CFAP69: variants seen among roughly 807,000 people sequenced by gnomAD.
The protein encoded by CFAP69 is cilia- and flagella-associated protein 69.
A neutral mutation model predicts 123.0 loss-of-function variants in CFAP69; 92 were observed. That is an observed-to-expected ratio of 0.75 (90% confidence interval 0.63 to 0.89). The LOEUF is 0.89. Ranked by LOEUF, CFAP69 falls within the 40% of genes least tolerant of loss-of-function variation. The pLI is 0.00. For missense variants in CFAP69, 1,067 were observed against 1,096.9 expected (o/e 0.97, Z 0.39); for synonymous variants, 380 against 364.3 (o/e 1.04, Z -0.49).
intron 1 of CFAP69, among the ~76,000 whole-genome samples, chr7:90,250,236 C>A (rs75297505): frequency 0.086 from 9,132 of 105,742 alleles, 366 homozygotes; most frequent in Middle Eastern, 0.12. Flanking sequence ...GAGAGAGAGA[C>A]TCCTTGGTTG....
At chr7:90,307,119 G>A (rs529123649) in intron 20 of CFAP69, 21 bp downstream of exon 20, 1 of 1,591,766 alleles carries the variant, frequency 6.3e-7, no homozygotes, top group Non-Finnish European at 8.6e-7. Flanking sequence ...TAGGTAGTGA[G>A]GAGGGAGAAT....
At chr7:90,268,849 T>A (rs374391736) in intron 6 of CFAP69, 23 of 156,834 alleles carry the variant, frequency 1.5e-4, no homozygotes, top group Non-Finnish European at 2.6e-4. Context: ...ACTGAATTGG[T>A]TGGGACCAAG....
chr7:90,264,310 T>C (rs1485203820), intron 4 of CFAP69, among the ~76,000 whole-genome samples: 1 of 151,614 alleles, frequency 6.6e-6, no homozygotes, highest in Non-Finnish European at 1.5e-5. Flanking sequence ...TGCTGGATCT[T>C]TTATGATTTA....
rs1562855143 is a variant in CFAP69 at position 90,264,107 on chromosome 7, AT to A, written c.357-1193del. Among the ~76,000 whole-genome samples the A allele has an allele frequency of 3.3e-3, 202 of 61,854 alleles. 3 individuals carry two copies. The highest frequency in any genetic ancestry group is 0.011 in the East Asian group (18 of 1,634). 40.6% of individuals were successfully genotyped at this position (61,854 alleles called of 152,430 possible). A position where few individuals can be genotyped will look rare whatever the true frequency, so the allele number is the denominator to read the frequency against. ...CTCCATCTCGAAAAAAAAAAAAAAT[AT>A]ATATATATATATATATATATATATA... On this transcript the variant is annotated intron_variant, in intron 4 of 22. Coordinates refer to ENST00000389297, the MANE Select transcript of CFAP69 (RefSeq NM_001039706.3).
downstream of CFAP69, among the ~76,000 whole-genome samples, chr7:90,314,106 A>T (rs1794560831): frequency 6.6e-6 from 1 of 152,194 alleles, no homozygotes; most frequent in Non-Finnish European, 1.5e-5. Context: ...AGTACTCAAA[A>T]TTGTCAAGGT....
chr7:90,267,440 C>G (rs1799303745), intron 5 of CFAP69, among the ~76,000 whole-genome samples: 1 of 152,162 alleles, frequency 6.6e-6, no homozygotes, highest in Non-Finnish European at 1.5e-5. Context: ...TTCAGAGAAC[C>G]TGGATCATTT....
intron 16 of CFAP69, 79 bp from the exon 17 acceptor site, chr7:90,299,788 G>A: frequency 8.6e-7 from 1 of 1,164,636 alleles, no homozygotes; most frequent in African/African-American, 1.7e-5. Flanking sequence ...TAATAGAAGT[G>A]TTTCTCTCTT....
At position 90,303,755 on chromosome 7, in the gene CFAP69, A is replaced by G. The variant is rs898522626; in HGVS notation, c.2051-214A>G. Reference sequence around the variant, plus strand: ...TGAAATTTTAATATTTTACATAAACAATAAAAATGAAGGCTCTAAGTTTTG... The same window carrying G: ...TGAAATTTTAATATTTTACATAAACGATAAAAATGAAGGCTCTAAGTTTTG... On this transcript the variant is annotated intron_variant, in intron 17 of 22. Transcript: ENST00000389297. The G allele has an allele frequency of 3.5e-6, 4 of 1,126,768 alleles. No homozygotes were observed. The African/African-American group carries it at 6.5e-5, about 18-fold the overall frequency. The allele number at this position is 1,126,768 out of a possible 1,614,324, so 69.8% of individuals were successfully genotyped here.
At chr7:90,262,141 T>C (rs1798420692) in intron 4 of CFAP69, 85 bp downstream of exon 4, 2 of 831,982 alleles carry the variant, frequency 2.4e-6, no homozygotes, top group Non-Finnish European at 3.7e-6. Context: ...CTATGCATTA[T>C]AGTGTAGCAG....
Position 90,294,059 on chromosome 7 carries a change from A to G in CFAP69, c.1776-3690A>G, listed in dbSNP as rs192171623. 3.3e-5 allele frequency among the ~76,000 whole-genome samples: 5 copies of G among 152,330 alleles called. No individual in the cohort carries two copies. The East Asian group carries it at 9.6e-4, about 29-fold the overall frequency. On this transcript the variant is annotated intron_variant, in intron 15 of 22. Transcript: ENST00000389297. Reference sequence around the variant, plus strand: ...GCAACCAGTTGTTTTACTTTAGGACAAGAATCTACCATACAAGATTGTTTT... The same window carrying G: ...GCAACCAGTTGTTTTACTTTAGGACGAGAATCTACCATACAAGATTGTTTT...
chr7:90,307,993 A>G, intron 21 of CFAP69, 139 bp downstream of exon 21: 2 of 512,326 alleles, frequency 3.9e-6, no homozygotes, highest in Non-Finnish European at 6.8e-6. Context: ...CTCATATGCA[A>G]TTTAGAGTGA....
chr7:90,286,476 A>C, intron 14 of CFAP69, 77 bp downstream of exon 14: 1 of 1,401,836 alleles, frequency 7.1e-7, no homozygotes, highest in Non-Finnish European at 9.8e-7. Context: ...AGTCTCTATA[A>C]TTGTATTTAA....
intron 2 of CFAP69, 101 bp downstream of exon 2, chr7:90,255,583 G>T: frequency 1.1e-6 from 1 of 902,510 alleles, no homozygotes; most frequent in Non-Finnish European, 1.8e-6. Context: ...CATTTATCTC[G>T]TTTTGTTGAA....
intron 2 of CFAP69, among the ~76,000 whole-genome samples, chr7:90,255,968 T>A (rs1484236760): frequency 6.6e-6 from 1 of 152,180 alleles, no homozygotes; most frequent in Non-Finnish European, 1.5e-5. Context: ...AAAGCAGGCA[T>A]TGAGAGAAAA....
In CFAP69 at chr7:90,245,498, G is replaced by T; in HGVS notation, c.74G>T (p.Ser25Ile). 6.5e-7 allele frequency: 1 copy of T among 1,537,568 alleles called. No homozygotes were observed. Among genetic ancestry groups the T allele is most frequent in the Non-Finnish European group, 8.7e-7 (1 of 1,145,638 alleles). ...ATCAGGAACAAGTCTAGCAGTTCCA[G>T]TCAAATCCCGGTGGTTGGGGTGGTG... ...SGIRNKSSSSSQIPVVGVVTE... is the reference protein window; with the variant it reads ...SGIRNKSSSSIQIPVVGVVTE... Residue 25 changes from serine to isoleucine, a missense_variant, in exon 1 of 23, where the codon AGT becomes ATT. By Grantham distance (142) the Ser-to-Ile change is moderately radical. Transcript: ENST00000389297.
the CFAP69 span, among the ~76,000 whole-genome samples, chr7:90,316,118 G>A: frequency 6.6e-5 from 10 of 151,992 alleles, no homozygotes; most frequent in Admixed American, 5.2e-4. Context: ...ATAAAGATTC[G>A]ATAGAAACAG....
intron 20 of CFAP69, 24 bp downstream of exon 20, chr7:90,307,122 G>A: frequency 6.3e-7 from 1 of 1,588,500 alleles, no homozygotes; most frequent in East Asian, 2.2e-5. Context: ...GTAGTGAGGA[G>A]GGAGAATGAA....
At chr7:90,314,856 G>A (rs1288162161), downstream of CFAP69, among the ~76,000 whole-genome samples, 2 of 151,422 alleles carry the variant, frequency 1.3e-5, no homozygotes, top group African/African-American at 4.8e-5. Flanking sequence ...ATCTCCCAAT[G>A]CTATCGCTCC....
intron 19 of CFAP69, 44 bp from the exon 20 acceptor site, chr7:90,306,857 T>C (rs1562928387): frequency 2.6e-6 from 3 of 1,153,114 alleles, no homozygotes; most frequent in Non-Finnish European, 2.5e-6. Flanking sequence ...AATTGCATGA[T>C]TTGTTTTTGG....
Sources: gnomAD v4.1 joint callset for allele counts (sites outside exome capture counted in the v4.1 genomes callset) on GRCh38, gnomAD v4.1.1 for gene constraint, MANE v1.5 for transcripts, NCBI Gene and HGNC (gene_info 2026-07-23, HGNC 2026-07-21) for gene names.